RIMS1: variants seen among roughly 807,000 people sequenced by gnomAD.
The protein encoded by RIMS1 is regulating synaptic membrane exocytosis protein 1.
RIMS1 carries 83 observed loss-of-function variants against 214.1 expected under a neutral mutation model. The observed-to-expected ratio is 0.39, with a 90% CI of 0.32 to 0.47. The LOEUF is 0.47. Among genes scored for constraint, RIMS1 ranks in the 20% least tolerant of loss-of-function variants. The probability of loss-of-function intolerance (pLI) is 0.99; values close to 1 mark genes in which losing one functional copy is unlikely to be tolerated. For synonymous variants in RIMS1, 793 were observed against 786.8 expected, an observed-to-expected ratio of 1.01 and a Z score of -0.13; for missense variants, 2,050 against 2,161.8, an observed-to-expected ratio of 0.95 and a Z score of 1.03.
chr6:72,337,121 T>G (rs564579086), intron 29 of RIMS1, among the ~76,000 whole-genome samples: 2 of 151,940 alleles, frequency 1.3e-5, no homozygotes, highest in East Asian at 3.9e-4. Context: ...GAATGGTAAA[T>G]TTTAAGAAAA....
Position 72,313,587 on chromosome 6 carries a change from G to A in RIMS1, c.4045G>A (p.Ala1349Thr), listed in dbSNP as rs763142023. Residue 1349 changes from alanine (A) to threonine (T), a missense_variant, in exon 28 of 34, where the codon GCC (alanine) becomes ACC (threonine). By Grantham distance (58) the Ala-to-Thr change is moderately conservative. Transcript: ENST00000521978. ...AGATAGTGATGTCAGTGATGTTTCCGCCATTTCCCGAACCAGCAGTGCCTC... is the reference window on the plus strand; with the variant it reads ...AGATAGTGATGTCAGTGATGTTTCCACCATTTCCCGAACCAGCAGTGCCTC... ...SSDSDVSDVS[A>T]ISRTSSASRL... The A allele has an allele frequency of 1.4e-5, 22 of 1,613,534 alleles. No homozygotes were observed. The highest frequency in any genetic ancestry group is 2.7e-5 in the African/African-American group (2 of 74,888).
intron 2 of RIMS1, among the ~76,000 whole-genome samples, chr6:72,059,928 C>T (rs1031368632): frequency 4.6e-5 from 7 of 151,746 alleles, no homozygotes; most frequent in Non-Finnish European, 8.8e-5. Context: ...CTCAATGAAG[C>T]GGCTTTTTAT....
At chr6:72,159,451 T>A (rs2044969855) in intron 4 of RIMS1, among the ~76,000 whole-genome samples, 1 of 141,074 alleles carries the variant, frequency 7.1e-6, no homozygotes, top group African/African-American at 2.5e-5. Context: ...GTTTTAGACA[T>A]GAAGTCCTTG....
At chr6:72,015,283 G>A (rs538689713) in intron 2 of RIMS1, among the ~76,000 whole-genome samples, 42 of 152,224 alleles carry the variant, frequency 2.8e-4, no homozygotes, top group African/African-American at 1.0e-3. Flanking sequence ...TTATGTTGGT[G>A]CTCAAAAAGT....
At chr6:72,217,106 G>T in intron 6 of RIMS1, 1 of 1,525,272 alleles carries the variant, frequency 6.6e-7, no homozygotes, top group Non-Finnish European at 8.8e-7. Context: ...TTTTAATTGT[G>T]TTGTGCATTT....
chr6:72,060,474 T>C (rs1477559383), intron 2 of RIMS1, among the ~76,000 whole-genome samples: 1 of 152,240 alleles, frequency 6.6e-6, no homozygotes. Context: ...GCCTTCCTGT[T>C]CTGGCCTCTA....
chr6:72,356,664 G>A (rs796922330), intron 29 of RIMS1, among the ~76,000 whole-genome samples: 1 of 152,002 alleles, frequency 6.6e-6, no homozygotes, highest in Non-Finnish European at 1.5e-5. Flanking sequence ...GGAGGCTGAG[G>A]CAGGAGAATC....
chr6:72,313,782 A>G, intron 28 of RIMS1, 110 bp downstream of exon 28: 1 of 1,094,564 alleles, frequency 9.1e-7, no homozygotes, highest in Non-Finnish European at 1.3e-6. Context: ...CAGTGGGTTA[A>G]GTATTTATCG....
chr6:72,399,374 C>A (rs1270274379), intron 33 of RIMS1, among the ~76,000 whole-genome samples: 1 of 151,826 alleles, frequency 6.6e-6, no homozygotes, highest in African/African-American at 2.4e-5. Context: ...CCCAGCCCTC[C>A]TCACTCCTCA....
chr6:72,283,466 A>G (rs2154219644), intron 23 of RIMS1, among the ~76,000 whole-genome samples: 1 of 152,324 alleles, frequency 6.6e-6, no homozygotes, highest in South Asian at 2.1e-4. Flanking sequence ...TATGTAATTT[A>G]TAAAAGCATC....
At chr6:71,895,124 C>T (rs977446467) in intron 1 of RIMS1, among the ~76,000 whole-genome samples, 1 of 152,178 alleles carries the variant, frequency 6.6e-6, no homozygotes, top group Non-Finnish European at 1.5e-5. Flanking sequence ...TATACACACT[C>T]ACAAGTGGAA....
chr6:72,165,607 G>A (rs1562474831), intron 4 of RIMS1, among the ~76,000 whole-genome samples: 1 of 152,014 alleles, frequency 6.6e-6, no homozygotes, highest in Non-Finnish European at 1.5e-5. Flanking sequence ...ATAATTTGAG[G>A]TTTATGTCCT....
intron 6 of RIMS1, among the ~76,000 whole-genome samples, chr6:72,184,911 A>C (rs2048887078): frequency 1.3e-5 from 2 of 152,158 alleles, no homozygotes; most frequent in South Asian, 4.1e-4. Context: ...TAACCCCCTG[A>C]GTGTTGAAGG....
At position 71,887,264 on chromosome 6, in the gene RIMS1, G is replaced by A. The variant is rs540205706; in HGVS notation, c.164+77G>A. 20 of 1,528,374 alleles carry A rather than the reference G, an allele frequency of 1.3e-5. No homozygotes were observed. In the East Asian group the frequency reaches 4.4e-4, roughly 34 times the overall value. 94.7% of individuals were successfully genotyped at this position (1,528,374 alleles called of 1,614,324 possible). ...TTCACCACTCACTCCCCTAGTCCTC[G>A]CGGCTGAGTGTGGGGAAGGGGCTGC... On this transcript the variant is annotated intron_variant, in intron 1 of 33. Transcript: ENST00000521978.
chr6:72,096,397 T>G (rs1424683196), intron 2 of RIMS1, among the ~76,000 whole-genome samples: 1 of 152,184 alleles, frequency 6.6e-6, no homozygotes, highest in Non-Finnish European at 1.5e-5. Flanking sequence ...AGAAGACAGA[T>G]TGCCCAGCAA....
intron 2 of RIMS1, among the ~76,000 whole-genome samples, chr6:71,993,865 T>C (rs938096336): frequency 1.3e-5 from 2 of 152,216 alleles, no homozygotes; most frequent in East Asian, 3.8e-4. Context: ...GGCTCAGATA[T>C]GCACACAATA....
chr6:72,386,504 A>C (rs550709702), intron 29 of RIMS1, among the ~76,000 whole-genome samples: 1 of 152,174 alleles, frequency 6.6e-6, no homozygotes, highest in South Asian at 2.1e-4. Context: ...CCCCTCTGCC[A>C]CAGCCACCAT....
intron 1 of RIMS1, among the ~76,000 whole-genome samples, chr6:71,897,037 C>T (rs1199364445): frequency 2.0e-5 from 3 of 152,126 alleles, no homozygotes; most frequent in Non-Finnish European, 2.9e-5. Context: ...TTTATTGTGT[C>T]CTGTTATAAA....
chr6:72,240,790 C>A (rs1372894610), intron 9 of RIMS1, among the ~76,000 whole-genome samples: 1 of 151,832 alleles, frequency 6.6e-6, no homozygotes, highest in Admixed American at 6.6e-5. Context: ...GGGTGCATCA[C>A]CTGAGTTTAG....
Sources: gnomAD v4.1 joint callset for allele counts (sites outside exome capture counted in the v4.1 genomes callset) on GRCh38, gnomAD v4.1.1 for gene constraint, MANE v1.5 for transcripts, NCBI Gene and HGNC (gene_info 2026-07-23, HGNC 2026-07-21) for gene names.